CYP46A1: variants seen among roughly 807,000 people sequenced by gnomAD.
The protein encoded by CYP46A1 is cholesterol 24-hydroxylase.
A neutral mutation model predicts 63.3 loss-of-function variants in CYP46A1; 20 were observed. The ratio of observed to expected loss-of-function variants is 0.32; its 90% CI spans 0.22 to 0.46. CYP46A1 has a LOEUF of 0.46. Among genes scored for constraint, CYP46A1 ranks in the 20% least tolerant of loss-of-function variants. CYP46A1 has a pLI of 1.00. For missense variants in CYP46A1, 445 were observed against 670.8 expected, an observed-to-expected ratio of 0.66 and a Z score of 3.72; for synonymous variants, 268 against 273.6, an observed-to-expected ratio of 0.98 and a Z score of 0.20.
chr14:99,687,065 C>A (rs1158259247), intron 1 of CYP46A1, among the ~76,000 whole-genome samples: 6 of 152,130 alleles, frequency 3.9e-5, no homozygotes, highest in South Asian at 2.1e-4. Flanking sequence ...AGGCAAGGAA[C>A]CCTCTCGCTG....
chr14:99,702,469 C>G (rs529853790), intron 5 of CYP46A1, among the ~76,000 whole-genome samples: 4 of 152,122 alleles, frequency 2.6e-5, no homozygotes, highest in African/African-American at 9.6e-5. Flanking sequence ...GGGTATTTAC[C>G]TAGTGGAATT....
chr14:99,703,624 C>T, intron 5 of CYP46A1: 3 of 985,372 alleles, frequency 3.0e-6, no homozygotes, highest in Non-Finnish European at 1.2e-6. Context: ...CTTTGATACC[C>T]AGCTAAGATG....
In CYP46A1 at chr14:99,684,500, G is replaced by A; in HGVS notation, c.83G>A (p.Ser28Asn). Residue 28 changes from serine to asparagine, a missense_variant, in exon 1 of 15, where the codon AGC becomes AAC. By Grantham distance (46) the Ser-to-Asn change is conservative. This residue lies in a region of CYP46A1 where 252 missense variants were observed against 383.3 expected (regional missense o/e 0.66). Coordinates refer to ENST00000261835, the MANE Select transcript of CYP46A1 (RefSeq NM_006668.2). ...LCCTFVHRAR[S>N]RYEHIPGPPR... Reference sequence around the variant, plus strand: ...TGCACCTTCGTGCACCGCGCTCGCAGCCGCTACGAGCACATCCCCGGGCCG... The same window carrying A: ...TGCACCTTCGTGCACCGCGCTCGCAACCGCTACGAGCACATCCCCGGGCCG... The A allele has an allele frequency of 6.8e-7, 1 of 1,479,752 alleles. No individual in the cohort carries two copies. The highest frequency in any genetic ancestry group is 8.9e-7 in the Non-Finnish European group (1 of 1,120,902). 91.7% of individuals were successfully genotyped at this position (1,479,752 alleles called of 1,614,324 possible).
At chr14:99,724,641 C>T (rs1334037009) in intron 12 of CYP46A1, among the ~76,000 whole-genome samples, 1 of 152,134 alleles carries the variant, frequency 6.6e-6, no homozygotes, top group Non-Finnish European at 1.5e-5. Flanking sequence ...TGGTGAGCAT[C>T]AGTAGGATGA....
intron 3 of CYP46A1, chr14:99,695,379 G>T (rs181487161): frequency 7.7e-6 from 3 of 389,944 alleles, no homozygotes; most frequent in Admixed American, 6.4e-5. Flanking sequence ...TGGTTGCAGG[G>T]CAAGGAATGT....
rs2056889084 is a variant in CYP46A1, at chr14:99,725,654, G to A, written c.1265+175G>A. Among the ~76,000 whole-genome samples the A allele has an allele frequency of 6.6e-6, 1 of 152,196 alleles. No individual in the cohort carries two copies. The highest frequency in any genetic ancestry group is 2.1e-4 in the South Asian group (1 of 4,830). On this transcript the variant is annotated intron_variant, in intron 13 of 14. Transcript: ENST00000261835. The surrounding 1 kb of genome is among the most constrained non-coding windows in gnomAD (Gnocchi z 4.2). ...GGTTAAGTAACTTGCCCAAGTGGCA[G>A]AGCAGGGGTCTGGCCCCAGCTCAGT...
At chr14:99,691,019 G>A in intron 1 of CYP46A1, 62 bp from the exon 2 acceptor site, 2 of 1,508,348 alleles carry the variant, frequency 1.3e-6, no homozygotes, top group South Asian at 1.1e-5. Flanking sequence ...AAGATCTTGT[G>A]GGGAAGGGAG....
chr14:99,693,755 G>A (rs2056562853), intron 3 of CYP46A1: 1 of 151,922 alleles, frequency 6.6e-6, no homozygotes, highest in African/African-American at 2.4e-5. Context: ...TTTTATTTGA[G>A]GGAAATTTTT....
intron 1 of CYP46A1, among the ~76,000 whole-genome samples, chr14:99,685,484 G>A (rs1025383114): frequency 2.0e-5 from 3 of 151,604 alleles, no homozygotes; most frequent in African/African-American, 7.3e-5. Context: ...CTTTCCACCT[G>A]TTGACTGTCT....
At chr14:99,717,729 G>C (rs1002695952) in intron 9 of CYP46A1, 8 of 295,354 alleles carry the variant, frequency 2.7e-5, no homozygotes, top group African/African-American at 1.7e-4. Context: ...AGGGTCATGG[G>C]GGGCTTTTGT....
intron 14 of CYP46A1, 111 bp downstream of exon 14, chr14:99,726,367 C>CTGTGGGA: frequency 2.0e-6 from 2 of 1,010,032 alleles, no homozygotes; most frequent in Non-Finnish European, 2.8e-6. Context: ...GGGCTGTGGG[C>CTGTGGGA]TCGGGACCCA....
intron 7 of CYP46A1, 77 bp from the exon 8 acceptor site, chr14:99,715,733 A>T: frequency 6.3e-7 from 1 of 1,594,752 alleles, no homozygotes; most frequent in Non-Finnish European, 8.6e-7. Flanking sequence ...CGCTAACGTC[A>T]TTTCGGGGTG....
intron 6 of CYP46A1, 40 bp downstream of exon 6, chr14:99,706,825 C>T: frequency 6.2e-7 from 1 of 1,605,214 alleles, no homozygotes; most frequent in African/African-American, 1.3e-5. Flanking sequence ...AGGAGGGCCA[C>T]ATGGGGTAGA....
chr14:99,721,619 G>A (rs1166438076), intron 11 of CYP46A1, among the ~76,000 whole-genome samples: 1 of 152,108 alleles, frequency 6.6e-6, no homozygotes, highest in Admixed American at 6.5e-5. Flanking sequence ...GCTTCCCCTG[G>A]TGGAGTCAGG....
intron 3 of CYP46A1, 112 bp downstream of exon 3, chr14:99,691,973 G>C (rs117491281): frequency 3.6e-6 from 4 of 1,113,280 alleles, no homozygotes; most frequent in Non-Finnish European, 5.3e-6. Flanking sequence ...GGCGCATTTC[G>C]GCTGGTTTCC....
At chr14:99,715,744 G>A (rs1431098340) in intron 7 of CYP46A1, 66 bp from the exon 8 acceptor site, 1 of 1,604,698 alleles carries the variant, frequency 6.2e-7, no homozygotes, top group African/African-American at 1.3e-5. Flanking sequence ...TTTCGGGGTG[G>A]TGGGGGAGAG....
At chr14:99,724,432 C>G (rs2056876399) in intron 12 of CYP46A1, among the ~76,000 whole-genome samples, 1 of 152,148 alleles carries the variant, frequency 6.6e-6, no homozygotes, top group African/African-American at 2.4e-5. Context: ...GCTCCTGTAC[C>G]AATACCACTG....
Position 99,720,650 on chromosome 14 carries a change from G to C in CYP46A1, c.981-589G>C, listed in dbSNP as rs1246116888. ...ATTTTTGTACTTTTAGTAGAGACAG[G>C]GTTTCACCATGTTGGCCATGCTGGT... On this transcript the variant is annotated intron_variant, in intron 10 of 14. Transcript: ENST00000261835. 2.0e-5 allele frequency among the ~76,000 whole-genome samples: 3 copies of C among 151,850 alleles called. 1 individual carries two copies.
intron 4 of CYP46A1, 147 bp downstream of exon 4, chr14:99,699,686 C>T: frequency 1.2e-6 from 1 of 852,310 alleles, no homozygotes; most frequent in East Asian, 2.5e-5. Context: ...TAAACAGTGG[C>T]CCCACTCTTG....
Sources: gnomAD v4.1 joint callset for allele counts (sites outside exome capture counted in the v4.1 genomes callset) on GRCh38, gnomAD v4.1.1 for gene constraint, gnomAD v4.1.1 regional missense constraint, Gnocchi (gnomAD v3.1) non-coding constraint, MANE v1.5 for transcripts, NCBI Gene and HGNC (gene_info 2026-07-23, HGNC 2026-07-21) for gene names.